The following DNAH7 variants were observed in gnomAD, a reference collection of about 807,000 sequenced individuals.
The protein encoded by DNAH7 is axonemal beta dynein heavy chain 7.
A neutral mutation model predicts 444.6 loss-of-function variants in DNAH7; 397 were observed. The ratio of observed to expected loss-of-function variants is 0.89; its 90% CI spans 0.82 to 0.97. The LOEUF is 0.97. Ranked by LOEUF, DNAH7 falls within the 50% of genes least tolerant of loss-of-function variation. The pLI, the probability that DNAH7 is intolerant of heterozygous loss-of-function variation, is 0.00. For synonymous variants in DNAH7, 1,636 were observed against 1,624.4 expected, an observed-to-expected ratio of 1.01 and a Z score of -0.17; for missense variants, 4,902 against 4,800.8, an observed-to-expected ratio of 1.02 and a Z score of -0.62.
chr2:196,023,793 C>T (rs1485915259), intron 8 of DNAH7, among the ~76,000 whole-genome samples: 11 of 152,202 alleles, frequency 7.2e-5, no homozygotes, highest in Middle Eastern at 3.2e-3. Flanking sequence ...GTCTTCCTCA[C>T]TAAGCTTAAT....
rs747964312 is a variant in DNAH7, at chr2:195,875,829, A to G, written c.6132T>C (p.Asp2044=). ...PLGKRMVVFV[D]DVNMPAREVY... ...CCTCCCGAGCAGGCATATTGACATCATCTACAAAGACAACCTGAGAATGAG... is the reference window on the plus strand; with the variant it reads ...CCTCCCGAGCAGGCATATTGACATCGTCTACAAAGACAACCTGAGAATGAG... Residue 2044 remains aspartate, a synonymous_variant, in exon 38 of 65, where the codon GAT becomes GAC. Coordinates refer to ENST00000312428, the MANE Select transcript of DNAH7 (RefSeq NM_018897.3). 3.7e-6 allele frequency: 6 copies of G among 1,603,272 alleles called. No individual in the cohort carries two copies. In the African/African-American group the frequency reaches 4.0e-5, roughly 11 times the overall value.
chr2:195,952,422 G>A (rs537895541), intron 19 of DNAH7, among the ~76,000 whole-genome samples: 30 of 152,102 alleles, frequency 2.0e-4, no homozygotes, highest in Admixed American at 1.6e-3. Context: ...TGCTCTTCTC[G>A]AGGAGTATCT....
At chr2:195,974,679 A>G (rs1263537239) in intron 15 of DNAH7, among the ~76,000 whole-genome samples, 1 of 152,018 alleles carries the variant, frequency 6.6e-6, no homozygotes, top group Non-Finnish European at 1.5e-5. Context: ...TCATAACCAA[A>G]GAATCACTTG....
At chr2:195,889,347 T>G (rs183420246) in intron 31 of DNAH7, among the ~76,000 whole-genome samples, 2 of 143,266 alleles carry the variant, frequency 1.4e-5, no homozygotes, top group African/African-American at 5.0e-5. Context: ...AGGGTCTCAC[T>G]CTGTTGTCCA....
Position 196,047,464 on chromosome 2 carries a change from A to T in DNAH7, c.286T>A (p.Leu96Ile). 4 of 1,600,066 alleles carry T rather than the reference A, an allele frequency of 2.5e-6. No individual in the cohort carries two copies. Among genetic ancestry groups the T allele is most frequent in the Non-Finnish European group, 3.4e-6 (4 of 1,172,252 alleles). ...TAACTATCATCAACTTGGTGGGGTA[A>T]TTTGCCCTTTTTTCCAAAACGTTCC... ...YMERFGKKGK[L>I]PHQVDDSYVG... Residue 96 changes from leucine (L) to isoleucine (I), a missense_variant, in exon 5 of 65, where the codon TTA becomes ATA. Coordinates refer to ENST00000312428, the MANE Select transcript of DNAH7 (RefSeq NM_018897.3).
intron 9 of DNAH7, 36 bp from the exon 10 acceptor site, chr2:196,012,942 G>T: frequency 1.5e-6 from 2 of 1,371,430 alleles, no homozygotes; most frequent in South Asian, 1.8e-5. Context: ...ATTTAACAAT[G>T]ACTTTTTTGG....
chr2:195,953,198 G>A (rs1444785811), intron 19 of DNAH7, among the ~76,000 whole-genome samples: 1 of 152,136 alleles, frequency 6.6e-6, no homozygotes, highest in Non-Finnish European at 1.5e-5. Context: ...CCCCTCTGCT[G>A]CAGGTCTGCT....
At chr2:195,915,026 T>G (rs1687587150) in intron 24 of DNAH7, among the ~76,000 whole-genome samples, 1 of 152,224 alleles carries the variant, frequency 6.6e-6, no homozygotes, top group South Asian at 2.1e-4. Context: ...TTTCAGTTTG[T>G]GGATATTCAA....
At chr2:195,933,840 G>A (rs571014817) in intron 21 of DNAH7, among the ~76,000 whole-genome samples, 36 of 152,016 alleles carry the variant, frequency 2.4e-4, no homozygotes, top group Admixed American at 6.5e-4. Context: ...CATGGCACAT[G>A]TATACAAATG....
intron 61 of DNAH7, among the ~76,000 whole-genome samples, chr2:195,760,500 C>T (rs1457244047): frequency 6.6e-6 from 1 of 152,048 alleles, no homozygotes; most frequent in Non-Finnish European, 1.5e-5. Flanking sequence ...CAGGTCTGAC[C>T]CAGCACAGTC....
At chr2:195,746,022 A>G (rs893256211) in intron 63 of DNAH7, among the ~76,000 whole-genome samples, 2 of 152,210 alleles carry the variant, frequency 1.3e-5, no homozygotes, top group African/African-American at 4.8e-5. Flanking sequence ...ATGTAAATGG[A>G]CTAAATGCTC....
Position 195,787,092 on chromosome 2 carries a change from C to T in DNAH7, c.10796G>A (p.Gly3599Glu). 1 of 1,612,402 alleles carries T rather than the reference C, an allele frequency of 6.2e-7. No homozygotes were observed. The highest frequency in any genetic ancestry group is 8.5e-7 in the Non-Finnish European group (1 of 1,179,554). Residue 3599 changes from glycine to glutamate, a missense_variant, in exon 58 of 65, where the codon GGG becomes GAG. By Grantham distance (98) the Gly-to-Glu change is moderately conservative. Transcript: ENST00000312428. ...ATTGAACTCATAAGGAATATTCCAC[C>T]CTAGGGGTCCAAATTTCCGTCTTTC... ...VQERRKFGPL[G>E]WNIPYEFNET... is the part of the protein sequence containing the mutation.
chr2:196,043,294 G>C (rs759525077), intron 5 of DNAH7, among the ~76,000 whole-genome samples: 1 of 151,794 alleles, frequency 6.6e-6, no homozygotes, highest in East Asian at 1.9e-4. Flanking sequence ...CCCCAAAAAA[G>C]GTTAGAGAGA....
chr2:195,901,665 C>T (rs1479424677), intron 27 of DNAH7: 1 of 152,034 alleles, frequency 6.6e-6, no homozygotes, highest in African/African-American at 2.4e-5. Context: ...ATTATATAAT[C>T]TAAGGTTTAC....
At chr2:195,894,405 G>A (rs1161517784) in intron 30 of DNAH7, 1 of 152,162 alleles carries the variant, frequency 6.6e-6, no homozygotes, top group Non-Finnish European at 1.5e-5. Context: ...TATAGGATAT[G>A]AACATTGAAA....
chr2:195,828,351 G>A (rs547929457), intron 48 of DNAH7, among the ~76,000 whole-genome samples: 4 of 152,160 alleles, frequency 2.6e-5, no homozygotes, highest in Non-Finnish European at 4.4e-5. Context: ...TTGGGAGGCC[G>A]AGGCGGGCGG....
At chr2:195,744,069 A>G (rs1032667423) in intron 63 of DNAH7, among the ~76,000 whole-genome samples, 2 of 152,220 alleles carry the variant, frequency 1.3e-5, no homozygotes, top group East Asian at 3.9e-4. Flanking sequence ...GCATTGCCTC[A>G]CTCGGGAAGC....
At chr2:196,039,065 C>G (rs914547702) in intron 5 of DNAH7, among the ~76,000 whole-genome samples, 3 of 152,084 alleles carry the variant, frequency 2.0e-5, no homozygotes, top group African/African-American at 7.2e-5. Context: ...CTTTCAATAG[C>G]TACAAAATAT....
Position 196,010,427 on chromosome 2 carries a change from T to A in DNAH7, c.989+2360A>T, listed in dbSNP as rs1367581400. On this transcript the variant is annotated intron_variant, in intron 10 of 64. Coordinates refer to ENST00000312428, the MANE Select transcript of DNAH7 (RefSeq NM_018897.3). Reference sequence around the variant, plus strand: ...CTCCCAAAGTGCTGGGAGTGATAGGTGTGAGCCACCATCCCTGACAAAAAG... The same window carrying A: ...CTCCCAAAGTGCTGGGAGTGATAGGAGTGAGCCACCATCCCTGACAAAAAG... Among the ~76,000 whole-genome samples the A allele has an allele frequency of 2.0e-5, 3 of 152,090 alleles. No homozygotes were observed. In the South Asian group the frequency reaches 6.2e-4, roughly 32 times the overall value.
Sources: allele counts gnomAD v4.1 joint callset (sites outside exome capture counted in the v4.1 genomes callset), GRCh38; gene constraint gnomAD v4.1.1; transcripts MANE v1.5; gene names NCBI Gene and HGNC (gene_info 2026-07-23, HGNC 2026-07-21).